Variants in TAF6L observed in about 807,000 individuals in gnomAD.
TAF6L encodes TATA-box binding protein associated factor 6 like.
Under a neutral mutation model 57.3 loss-of-function variants are expected in TAF6L, and 34 were observed. The observed-to-expected ratio is 0.59, with a 90% CI of 0.45 to 0.79. The LOEUF is 0.79. TAF6L is among the 30% of genes least tolerant of loss of function. TAF6L has a pLI of 0.00. For missense variants in TAF6L, 782 were observed against 853.2 expected (o/e 0.92, Z 1.04); for synonymous variants, 417 against 376.3 (o/e 1.11, Z -1.25).
intron 8 of TAF6L, 160 bp downstream of exon 8, chr11:62,782,493 C>T: frequency 9.6e-7 from 1 of 1,045,818 alleles, no homozygotes; most frequent in Non-Finnish European, 1.4e-6. Context: ...CACTGGGATT[C>T]TGAAAATGGA....
At chr11:62,785,780 T>A (rs1590939002) in intron 9 of TAF6L, among the ~76,000 whole-genome samples, 1 of 140,526 alleles carries the variant, frequency 7.1e-6, no homozygotes, top group Non-Finnish European at 1.6e-5. Flanking sequence ...GGTGATCCAC[T>A]GGCCTCGGCC....
Position 62,786,286 on chromosome 11 carries a change from C to A in TAF6L, c.987C>A (p.His329Gln). Residue 329 changes from histidine to glutamine, a missense_variant, in exon 10 of 11, where the codon CAC (histidine) becomes CAA (glutamine). Transcript: ENST00000294168. ...CAGTAGAACGAGTCCTGTACCCACA[C>A]CTGTCCACCTACTGGACAAACTTGC... is the stretch of plus-strand genomic sequence containing the variant. ...WKAVERVLYP[H>Q]LSTYWTNLQA... 6.2e-7 allele frequency: 1 copy of A among 1,614,124 alleles called. No homozygotes were observed. The highest frequency in any genetic ancestry group is 2.2e-5 in the East Asian group (1 of 44,888).
intron 9 of TAF6L, among the ~76,000 whole-genome samples, chr11:62,784,560 C>T (rs993946986): frequency 6.6e-6 from 1 of 152,098 alleles, no homozygotes; most frequent in Admixed American, 6.5e-5. Flanking sequence ...CCCGCCTTGG[C>T]CTCCCAAAGT....
Position 62,782,196 on chromosome 11 carries a change from C to G in TAF6L, c.690C>G (p.Cys230Trp). The G allele has an allele frequency of 6.2e-7, 1 of 1,614,138 alleles. No individual in the cohort carries two copies. Among genetic ancestry groups the G allele is most frequent in the Non-Finnish European group, 8.5e-7 (1 of 1,180,010 alleles). ...GCCTATTTCGTAATCCGCACCTGTG[C>G]TTGGGGCCCTATGTCCGCTGTCTGG... Reference protein sequence around the residue: ...ARSLFRNPHLCLGPYVRCLVG... With the variant: ...ARSLFRNPHLWLGPYVRCLVG... Residue 230 changes from cysteine to tryptophan, a missense_variant, in exon 8 of 11, where the codon TGC becomes TGG. Coordinates refer to ENST00000294168, the MANE Select transcript of TAF6L (RefSeq NM_006473.4).
intron 1 of TAF6L, among the ~76,000 whole-genome samples, chr11:62,774,367 C>T (rs1382403785): frequency 2.0e-5 from 3 of 152,198 alleles, no homozygotes; most frequent in African/African-American, 4.8e-5. Context: ...TGAGCCACCG[C>T]GCCCGGCCCA....
Position 62,777,299 on chromosome 11 carries a change from C to T in TAF6L, c.235-679C>T, listed in dbSNP as rs141930667. Among the ~76,000 whole-genome samples, 734 of 152,254 alleles carry T rather than the reference C, an allele frequency of 4.8e-3. 3 individuals carry two copies. Among genetic ancestry groups the T allele is most frequent in the Middle Eastern group, 0.01 (3 of 294 alleles). ...CCGAGATCACGCCACTGCATTCCAG[C>T]CTGGGCGAAAGAGCAAAACTCTGTC... is the stretch of plus-strand genomic sequence containing the variant. On this transcript the variant is annotated intron_variant, in intron 3 of 10. Coordinates refer to ENST00000294168, the MANE Select transcript of TAF6L (RefSeq NM_006473.4).
chr11:62,784,858 G>C (rs182224407), intron 9 of TAF6L, among the ~76,000 whole-genome samples: 1 of 152,082 alleles, frequency 6.6e-6, no homozygotes, highest in Non-Finnish European at 1.5e-5. Flanking sequence ...TTTTAAAAGG[G>C]TTTATATTCA....
chr11:62,778,038 C>T lies in TAF6L; in HGVS notation c.295C>T (p.Leu99Phe), dbSNP rs530031992. Residue 99 changes from leucine (L) to phenylalanine (F), a missense_variant, in exon 4 of 11, where the codon CTC (leucine) becomes TTC (phenylalanine). Transcript: ENST00000294168. The part of the protein sequence containing the change: ...LPMRPAREGE[L>F]YFPEDREVNL... ...CATGCGCCCCGCCAGGGAGGGTGAA[C>T]TCTACTTTCCTGAGGATCGAGAGGT... The T allele has an allele frequency of 6.2e-7, 1 of 1,614,046 alleles. No individual in the cohort carries two copies. The highest frequency in any genetic ancestry group is 1.7e-5 in the Admixed American group (1 of 59,994).
At chr11:62,782,475 C>A in intron 8 of TAF6L, 142 bp downstream of exon 8, 2 of 1,034,516 alleles carry the variant, frequency 1.9e-6, no homozygotes, top group Non-Finnish European at 2.8e-6. Context: ...AGCTGGTGTG[C>A]TGTGACACAC....
chr11:62,785,907 C>A (rs1026376478), intron 9 of TAF6L: 2 of 166,868 alleles, frequency 1.2e-5, no homozygotes, highest in South Asian at 3.2e-4. Flanking sequence ...ATTGTTTGAA[C>A]TGAGTCTCAG....
chr11:62,780,801 G>T (rs547131527), intron 6 of TAF6L, among the ~76,000 whole-genome samples: 1 of 151,288 alleles, frequency 6.6e-6, no homozygotes, highest in Admixed American at 6.6e-5. Flanking sequence ...GCCGGGCTTG[G>T]TGGCATGCGT....
At chr11:62,786,478 C>A in intron 10 of TAF6L, 39 bp from the exon 11 acceptor site, 1 of 1,581,220 alleles carries the variant, frequency 6.3e-7, no homozygotes, top group South Asian at 1.1e-5. Context: ...GCCCAGGTTC[C>A]TCGAATTTTT....
Position 62,781,890 on chromosome 11 carries a change from T to C in TAF6L, c.532-4T>C. On this transcript the variant is annotated splice_polypyrimidine_tract_variant and splice_region_variant and intron_variant, in intron 6 of 10. Transcript: ENST00000294168. ...TCCAATGCAGTCTGGGCCCTTCCTT[T>C]TAGGTTGCACTCCAGGACTTGCAGA... The C allele has an allele frequency of 1.9e-6, 3 of 1,614,094 alleles. No homozygotes were observed. In the African/African-American group the frequency reaches 4.0e-5, roughly 22 times the overall value.
chr11:62,775,755 C>T lies in TAF6L; in HGVS notation c.-13-16C>T. ...GAGGCTGGGCAGCTTTTCCAGTCTT[C>T]ATTCTCCACTCCCAGCTCCACTGGG... On this transcript the variant is annotated splice_polypyrimidine_tract_variant and intron_variant, in intron 1 of 10. Transcript: ENST00000294168. The T allele has an allele frequency of 6.3e-7, 1 of 1,589,206 alleles. No individual in the cohort carries two copies. Among genetic ancestry groups the T allele is most frequent in the East Asian group, 2.2e-5 (1 of 44,664 alleles).
chr11:62,782,405 G>A (rs756196646), intron 8 of TAF6L, 72 bp downstream of exon 8: 403 of 1,495,242 alleles, frequency 2.7e-4, no homozygotes, highest in Non-Finnish European at 3.5e-4. Context: ...GAAATGGGGC[G>A]AAGCCTCTGG....
intron 3 of TAF6L, among the ~76,000 whole-genome samples, chr11:62,777,585 G>A (rs928673966): frequency 1.3e-5 from 2 of 152,220 alleles, no homozygotes; most frequent in African/African-American, 4.8e-5. Context: ...GGCTAAGGGA[G>A]GAGCCTGAGC....
chr11:62,774,462 G>C (rs2084170918), intron 1 of TAF6L: 1 of 410,824 alleles, frequency 2.4e-6, no homozygotes, highest in African/African-American at 2.0e-5. Flanking sequence ...TGGATGTAGG[G>C]ACCTGGACGT....
In TAF6L at chr11:62,787,109, G is replaced by A; in HGVS notation, c.1682G>A (p.Arg561His). Residue 561 changes from arginine (R) to histidine (H), a missense_variant, in exon 11 of 11, where the codon CGT becomes CAT. Physicochemically the swap from Arg to His is conservative, Grantham distance 29. Transcript: ENST00000294168. ...GCCCCGCGCGGCGCCCCGCACTTTC[G>A]TTTCATCATAGCCGGGCGGCAGGCT... ...RFAPRGAPHF[R>H]FIIAGRQAGR... 1 of 1,549,908 alleles carries A rather than the reference G, an allele frequency of 6.5e-7. No homozygotes were observed. Among genetic ancestry groups the A allele is most frequent in the Non-Finnish European group, 8.7e-7 (1 of 1,155,852 alleles).
intron 9 of TAF6L, among the ~76,000 whole-genome samples, chr11:62,784,067 C>T (rs2084251659): frequency 7.9e-5 from 1 of 12,728 alleles, no homozygotes; most frequent in Admixed American, 1.0e-3. Flanking sequence ...CGGCTCACTG[C>T]AACCTCCACC....
Sources: allele counts gnomAD v4.1 joint callset (sites outside exome capture counted in the v4.1 genomes callset), GRCh38; gene constraint gnomAD v4.1.1; transcripts MANE v1.5; gene names NCBI Gene and HGNC (gene_info 2026-07-23, HGNC 2026-07-21).